RRM2: variants seen among roughly 807,000 people sequenced by gnomAD.
The protein encoded by RRM2 is ribonucleoside-diphosphate reductase subunit M2.
RRM2 carries 6 observed loss-of-function variants against 45.9 expected under a neutral mutation model. The ratio of observed to expected loss-of-function variants is 0.13; its 90% CI spans 0.07 to 0.26. The LOEUF (loss-of-function observed/expected upper bound fraction) is 0.26, where lower values mean the gene tolerates loss of function less well. Ranked by LOEUF, RRM2 falls within the 10% of genes least tolerant of loss-of-function variation. RRM2 has a pLI of 1.00. For missense variants in RRM2, 343 were observed against 489.5 expected, an observed-to-expected ratio of 0.70 and a Z score of 2.82; for synonymous variants, 177 against 173.0, an observed-to-expected ratio of 1.02 and a Z score of -0.18.
At chr2:10,151,690 G>A (rs1387387496) in intron 3 of RRM2, among the ~76,000 whole-genome samples, 1 of 152,164 alleles carries the variant, frequency 6.6e-6, no homozygotes, top group Non-Finnish European at 1.5e-5. Flanking sequence ...TCTTCAAAGT[G>A]ACCATACCGC....
At chr2:10,179,479 G>A (rs1663999641) in intron 3 of RRM2, among the ~76,000 whole-genome samples, 1 of 152,176 alleles carries the variant, frequency 6.6e-6, no homozygotes, top group Middle Eastern at 3.2e-3. Flanking sequence ...GGACATTTGA[G>A]TGCTACCAGT....
chr2:10,123,238 C>A, intron 2 of RRM2, 149 bp from the exon 3 acceptor site: 1 of 1,290,848 alleles, frequency 7.7e-7, no homozygotes, highest in Non-Finnish European at 1.0e-6. Flanking sequence ...GTGCGCTCCT[C>A]TGCTGCGACC....
chr2:10,152,075 A>C (rs1484194034), intron 3 of RRM2, among the ~76,000 whole-genome samples: 1 of 151,790 alleles, frequency 6.6e-6, no homozygotes, highest in Non-Finnish European at 1.5e-5. Context: ...CAGCCTCCCG[A>C]GTAGCTGGGA....
chr2:10,123,180 T>TGGGGAGGGG, intron 2 of RRM2, 123 bp downstream of exon 2: 1 of 1,300,456 alleles, frequency 7.7e-7, no homozygotes, highest in Non-Finnish European at 1.0e-6. Flanking sequence ...AGGCGGCCCC[T>TGGGGAGGGG]CCCCAGGGCT....
At chr2:10,139,730 T>C (rs1041700773), upstream of RRM2, among the ~76,000 whole-genome samples, 9 of 152,192 alleles carry the variant, frequency 5.9e-5, no homozygotes, top group African/African-American at 2.2e-4. Context: ...CCCTTGGGAA[T>C]TGGAAGCAAG....
At chr2:10,201,400 C>A (rs1408125842) in intron 3 of RRM2, among the ~76,000 whole-genome samples, 1 of 152,172 alleles carries the variant, frequency 6.6e-6, no homozygotes, top group African/African-American at 2.4e-5. Context: ...ATATTCCGAG[C>A]AAAACATCAA....
At chr2:10,141,623 C>A in exon 1 of RRM2, 1 of 577,170 alleles carries the variant, frequency 1.7e-6, no homozygotes, top group Non-Finnish European at 3.0e-6. Context: ...TTAAGGATTC[C>A]AAGATCACAC....
At chr2:10,140,088 A>G (rs1021505559), upstream of RRM2, among the ~76,000 whole-genome samples, 2 of 151,714 alleles carry the variant, frequency 1.3e-5, no homozygotes, top group Non-Finnish European at 2.9e-5. Context: ...CTCTACTAAA[A>G]ATACAGAAAT....
intron 3 of RRM2, among the ~76,000 whole-genome samples, chr2:10,199,936 C>T (rs1285146092): frequency 2.0e-5 from 3 of 151,984 alleles, no homozygotes; most frequent in South Asian, 2.1e-4. Flanking sequence ...TGAGTTCAAG[C>T]GATTCTCCAG....
At position 10,128,634 on chromosome 2, in the gene RRM2, C is replaced by T. The variant is rs1247657531; in HGVS notation, c.799-214C>T. 2.0e-5 allele frequency among the ~76,000 whole-genome samples: 3 copies of T among 152,326 alleles called. No individual in the cohort carries two copies. The East Asian group carries it at 5.8e-4, about 29-fold the overall frequency. On this transcript the variant is annotated intron_variant, in intron 7 of 9. Coordinates refer to ENST00000304567, the MANE Select transcript of RRM2 (RefSeq NM_001034.4). ...TTGCCTGTCTTCATCTAGGTGGCAA[C>T]TTTGAGGGTCTTGAATGGGACTGAG...
intron 3 of RRM2, among the ~76,000 whole-genome samples, chr2:10,165,439 T>C (rs1663657676): frequency 1.3e-5 from 2 of 152,130 alleles, no homozygotes; most frequent in Non-Finnish European, 2.9e-5. Flanking sequence ...ACAGGGGCCC[T>C]GTGTGGAAAG....
chr2:10,197,152 C>G (rs1464799441), intron 3 of RRM2, among the ~76,000 whole-genome samples: 1 of 152,254 alleles, frequency 6.6e-6, no homozygotes, highest in South Asian at 2.1e-4. Context: ...TGTGCTGACT[C>G]AGCCTCTGAG....
At chr2:10,143,595 G>A (rs565590353) in intron 3 of RRM2, among the ~76,000 whole-genome samples, 1 of 152,206 alleles carries the variant, frequency 6.6e-6, no homozygotes, top group Non-Finnish European at 1.5e-5. Context: ...GTTGCACTGG[G>A]GGGGCCTGGT....
chr2:10,159,078 G>C (rs1027878006), intron 3 of RRM2, among the ~76,000 whole-genome samples: 3 of 152,118 alleles, frequency 2.0e-5, no homozygotes, highest in African/African-American at 7.2e-5. Flanking sequence ...TTTCCAATGG[G>C]GACCAAATTG....
At chr2:10,176,029 C>T (rs1663908074) in intron 3 of RRM2, among the ~76,000 whole-genome samples, 1 of 152,166 alleles carries the variant, frequency 6.6e-6, no homozygotes, top group South Asian at 2.1e-4. Context: ...ATATCTGTAG[C>T]ATGTCTGAAT....
At chr2:10,160,934 C>T (rs911502984) in intron 3 of RRM2, among the ~76,000 whole-genome samples, 3 of 152,174 alleles carry the variant, frequency 2.0e-5, no homozygotes, top group Non-Finnish European at 4.4e-5. Context: ...CCTGAGACCC[C>T]CAGCCCTGCC....
At chr2:10,136,603 CTA>C (rs1233997255), upstream of RRM2, among the ~76,000 whole-genome samples, 1 of 152,142 alleles carries the variant, frequency 6.6e-6, no homozygotes, top group African/African-American at 2.4e-5. Flanking sequence ...GACCCTATCT[CTA>C]TAGAAAAATT....
In RRM2 at chr2:10,128,733, C is replaced by T. The variant is rs995985124; in HGVS notation, c.799-115C>T. The stretch of plus-strand genomic sequence containing the variant: ...TTCCCTTTGAGAGTTCAAGTGCTCT[C>T]AGTATGGCTGAGCATGTTGGATAAG... On this transcript the variant is annotated intron_variant, in intron 7 of 9. Transcript: ENST00000304567. The T allele has an allele frequency of 2.0e-5, 15 of 743,106 alleles. No homozygotes were observed. The East Asian group carries it at 3.7e-4, about 18-fold the overall frequency. The allele number at this position is 743,106 out of a possible 1,614,324, so 46.0% of individuals were successfully genotyped here. A position where few individuals can be genotyped will look rare whatever the true frequency, so the allele number is the denominator to read the frequency against.
At chr2:10,170,600 G>A (rs981626330) in intron 3 of RRM2, among the ~76,000 whole-genome samples, 3 of 152,158 alleles carry the variant, frequency 2.0e-5, no homozygotes, top group African/African-American at 7.2e-5. Flanking sequence ...GGGTGACTGC[G>A]GTCATTTGGG....
Sources: allele counts gnomAD v4.1 joint callset (sites outside exome capture counted in the v4.1 genomes callset), GRCh38; gene constraint gnomAD v4.1.1; transcripts MANE v1.5; gene names NCBI Gene and HGNC (gene_info 2026-07-23, HGNC 2026-07-21).